The following SENP5 variants were observed in gnomAD, a reference collection of about 807,000 sequenced individuals.
The protein encoded by SENP5 is sentrin-specific protease 5.
Under a neutral mutation model 74.2 loss-of-function variants are expected in SENP5, and 21 were observed. The ratio of observed to expected loss-of-function variants is 0.28; its 90% CI spans 0.20 to 0.41. The LOEUF (loss-of-function observed/expected upper bound fraction) is 0.41. Ranked by LOEUF, SENP5 falls within the 10% of genes least tolerant of loss-of-function variation. SENP5 has a pLI of 1.00. For synonymous variants in SENP5, 311 were observed against 312.7 expected (o/e 0.99, Z 0.06); for missense variants, 717 against 889.1 (o/e 0.81, Z 2.46).
At chr3:196,899,837 T>A (rs1312187364) in intron 3 of SENP5, 66 bp downstream of exon 3, 18 of 1,572,736 alleles carry the variant, frequency 1.1e-5, no homozygotes, top group Middle Eastern at 3.5e-4. Flanking sequence ...ACTTTTCTCT[T>A]GATTTACAGA....
intron 2 of SENP5, among the ~76,000 whole-genome samples, chr3:196,891,800 C>CT (rs1310477264): frequency 3.3e-5 from 5 of 151,850 alleles, no homozygotes; most frequent in Non-Finnish European, 7.4e-5. Flanking sequence ...TTGTCTCTCT[C>CT]TTTTTTTTGA....
chr3:196,876,523 AAAAAAAAAAAAG>A (rs1245998586), intron 1 of SENP5, among the ~76,000 whole-genome samples: 1 of 150,896 alleles, frequency 6.6e-6, no homozygotes, highest in Non-Finnish European at 1.5e-5. Context: ...GTCTCAAAAA[AAAAAAAAAAAAG>A]AAAAGAAAAA....
At chr3:196,911,451 G>A (rs1715121233) in intron 6 of SENP5, among the ~76,000 whole-genome samples, 2 of 151,990 alleles carry the variant, frequency 1.3e-5, no homozygotes, top group Admixed American at 6.6e-5. Context: ...TCAGCTACTC[G>A]AGAGGCTGAG....
In SENP5 at chr3:196,927,875, C is replaced by A; in HGVS notation, c.2102C>A (p.Thr701Lys). The A allele has an allele frequency of 6.2e-7, 1 of 1,601,908 alleles. No homozygotes were observed. Among genetic ancestry groups the A allele is most frequent in the Non-Finnish European group, 8.6e-7 (1 of 1,169,044 alleles). ...CTTCAGGGTTGGCAGACTGCTGTTA[C>A]GAAGGTAAGTATGTGATAACAATGA... ...EFLQGWQTAVTKCIPQQKNDS... is the reference protein window; with the variant it reads ...EFLQGWQTAVKKCIPQQKNDS... Residue 701 changes from threonine to lysine, a missense_variant, in exon 8 of 10, where the codon ACG becomes AAG. Physicochemically the swap from Thr to Lys is moderately conservative, Grantham distance 78. Around this residue, in one of 4 missense-constraint regions of SENP5, gnomAD observed 85 missense variants for 188.9 expected, o/e 0.45. Coordinates refer to ENST00000323460, the MANE Select transcript of SENP5 (RefSeq NM_152699.5).
chr3:196,890,247 A>C (rs1714145324), intron 2 of SENP5, among the ~76,000 whole-genome samples: 1 of 152,242 alleles, frequency 6.6e-6, no homozygotes. Flanking sequence ...TAACAGAACT[A>C]AACCTCAGTA....
intron 1 of SENP5, among the ~76,000 whole-genome samples, chr3:196,875,552 C>CT: frequency 6.6e-6 from 1 of 152,082 alleles, no homozygotes. Context: ...TACTGAAGTT[C>CT]TTTCCATTCC....
At chr3:196,882,108 A>C (rs968594678) in intron 1 of SENP5, among the ~76,000 whole-genome samples, 3 of 152,026 alleles carry the variant, frequency 2.0e-5, no homozygotes, top group African/African-American at 7.2e-5. Flanking sequence ...CTTGTTGGCC[A>C]GGTTGGTCTC....
At chr3:196,911,749 G>A (rs751230421) in intron 6 of SENP5, among the ~76,000 whole-genome samples, 1 of 152,020 alleles carries the variant, frequency 6.6e-6, no homozygotes, top group Non-Finnish European at 1.5e-5. Flanking sequence ...GGCAGAGGTT[G>A]CGTGAGCTGA....
rs191643978 is a variant in SENP5 at position 196,927,614 on chromosome 3, T to C, written c.2023-182T>C. 3.0e-3 allele frequency among the ~76,000 whole-genome samples: 434 copies of C among 146,550 alleles called. 6 individuals are homozygous for C. The highest frequency in any genetic ancestry group is 0.011 in the African/African-American group (423 of 39,448). ...TCACGCCATTGTACTCCAGCCTGGG[T>C]GACAGAGCAAGATCCTCTCTTTAAA... On this transcript the variant is annotated intron_variant, in intron 7 of 9. Transcript: ENST00000323460.
At chr3:196,914,586 A>AAATATATATATAT in intron 6 of SENP5, 2 of 33,504 alleles carry the variant, frequency 6.0e-5, no homozygotes, top group African/African-American at 1.8e-4. Flanking sequence ...AAAAAAAAAA[A>AAATATATATATAT]ATATATATAT....
At chr3:196,880,430 G>T (rs1003153464) in intron 1 of SENP5, among the ~76,000 whole-genome samples, 7 of 152,132 alleles carry the variant, frequency 4.6e-5, no homozygotes, top group African/African-American at 1.4e-4. Flanking sequence ...GGCAATTAAC[G>T]TTGAGAGAAT....
In SENP5 at chr3:196,885,432, T is replaced by C; in HGVS notation, c.251T>C (p.Val84Ala). 3.7e-6 allele frequency: 6 copies of C among 1,614,182 alleles called. No homozygotes were observed. The highest frequency in any genetic ancestry group is 5.1e-6 in the Non-Finnish European group (6 of 1,180,028). ...CTTTGTGCTAAGACCAAGTTCAATG[T>C]GGCTACTCAAAATGTTAGTACTTTG... is the stretch of plus-strand genomic sequence containing the variant. ...EPLCAKTKFN[V>A]ATQNVSTLSS... Residue 84 changes from valine to alanine, a missense_variant, in exon 2 of 10, where the codon GTG (valine) becomes GCG (alanine). This residue lies in a region of SENP5 where 567 missense variants were observed against 577.4 expected (regional missense o/e 0.98). Transcript: ENST00000323460.
At chr3:196,907,345 A>G (rs573481932) in intron 6 of SENP5, among the ~76,000 whole-genome samples, 1 of 151,618 alleles carries the variant, frequency 6.6e-6, no homozygotes, top group Admixed American at 6.6e-5. Flanking sequence ...GTGGTGACGG[A>G]TGCCTGTAGT....
At chr3:196,902,727 T>C (rs1226949893) in intron 5 of SENP5, among the ~76,000 whole-genome samples, 1 of 152,222 alleles carries the variant, frequency 6.6e-6, no homozygotes, top group Non-Finnish European at 1.5e-5. Flanking sequence ...TGAGCTGATA[T>C]ACCACTTACT....
intron 6 of SENP5, among the ~76,000 whole-genome samples, chr3:196,918,942 A>G (rs1436026005): frequency 1.3e-5 from 2 of 150,152 alleles, no homozygotes; most frequent in Non-Finnish European, 3.0e-5. Flanking sequence ...ATATAATGAT[A>G]AAAAGGTCAG....
chr3:196,878,404 A>C (rs907139034), intron 1 of SENP5, among the ~76,000 whole-genome samples: 4 of 152,162 alleles, frequency 2.6e-5, no homozygotes, highest in African/African-American at 9.7e-5. Context: ...GATACCATGC[A>C]TAGTTAAGGA....
intron 5 of SENP5, among the ~76,000 whole-genome samples, chr3:196,902,726 A>AT (rs1457702431): frequency 6.6e-6 from 1 of 152,252 alleles, no homozygotes; most frequent in East Asian, 1.9e-4. Context: ...ATGAGCTGAT[A>AT]TACCACTTAC....
intron 2 of SENP5, among the ~76,000 whole-genome samples, chr3:196,893,183 A>T (rs1714286742): frequency 6.6e-6 from 1 of 152,158 alleles, no homozygotes; most frequent in African/African-American, 2.4e-5. Flanking sequence ...CTTTCTCCAC[A>T]TTCAAGTCCT....
rs202235214 is a variant in SENP5 at position 196,885,133 on chromosome 3, T to C, written c.-31-18T>C. On this transcript the variant is annotated intron_variant, in intron 1 of 9. Transcript: ENST00000323460. ...CTTATTTTTAGATAGAAATATAACT[T>C]ACTTCTCTTCTTTACAGCTGCATCC... 1.4e-6 allele frequency: 2 copies of C among 1,412,012 alleles called. No homozygotes were observed. The highest frequency in any genetic ancestry group is 1.9e-6 in the Non-Finnish European group (2 of 1,027,552). The allele number at this position is 1,412,012 out of a possible 1,614,324, so 87.5% of individuals were successfully genotyped here. A position where few individuals can be genotyped will look rare whatever the true frequency, so the allele number is the denominator to read the frequency against.
Sources: gnomAD v4.1 joint callset for allele counts (sites outside exome capture counted in the v4.1 genomes callset) on GRCh38, gnomAD v4.1.1 for gene constraint, gnomAD v4.1.1 regional missense constraint, MANE v1.5 for transcripts, NCBI Gene and HGNC (gene_info 2026-07-23, HGNC 2026-07-21) for gene names.